ATAD2B: variants seen among roughly 807,000 people sequenced by gnomAD.
ATAD2B encodes the protein ATPase family AAA domain containing 2B, also known as ATPase family AAA domain-containing protein 2B.
A neutral mutation model predicts 167.6 loss-of-function variants in ATAD2B; 40 were observed. The observed-to-expected ratio is 0.24, with a 90% CI of 0.19 to 0.31. The LOEUF (loss-of-function observed/expected upper bound fraction) is 0.31. ATAD2B is among the 10% of genes least tolerant of loss of function. ATAD2B has a pLI of 1.00. For synonymous variants in ATAD2B, 579 were observed against 596.5 expected, an observed-to-expected ratio of 0.97 and a Z score of 0.43; for missense variants, 1,242 against 1,757.2, an observed-to-expected ratio of 0.71 and a Z score of 5.24.
chr2:23,907,581 C>T (rs1434007817), intron 1 of ATAD2B, among the ~76,000 whole-genome samples: 1 of 152,160 alleles, frequency 6.6e-6, no homozygotes, highest in Non-Finnish European at 1.5e-5. Context: ...CCCTATCAAG[C>T]TACCAATGAC....
intron 19 of ATAD2B, among the ~76,000 whole-genome samples, chr2:23,789,358 AT>A (rs1485931927): frequency 1.3e-5 from 2 of 152,106 alleles, no homozygotes; most frequent in Non-Finnish European, 2.9e-5. Flanking sequence ...ACTGTATTTA[AT>A]TTTTATGGTT....
chr2:23,793,829 A>C lies in ATAD2B; in HGVS notation c.2640+4309T>G, dbSNP rs759514445. 2.0e-5 allele frequency among the ~76,000 whole-genome samples: 3 copies of C among 152,256 alleles called. No individual in the cohort carries two copies. The South Asian group carries it at 6.2e-4, about 32-fold the overall frequency. ...GGTGCACAAACTTTTTGGTCTCAGG[A>C]CCCCAAAAAAGCTTTTATGTATGTG... On this transcript the variant is annotated intron_variant, in intron 19 of 27. Transcript: ENST00000238789.
intron 24 of ATAD2B, among the ~76,000 whole-genome samples, chr2:23,759,489 T>C (rs1020693886): frequency 2.6e-5 from 4 of 152,200 alleles, no homozygotes; most frequent in African/African-American, 9.6e-5. Context: ...CATACTTATT[T>C]AATCCTTTCA....
chr2:23,739,330 C>G, the ATAD2B span, among the ~76,000 whole-genome samples: 2 of 152,108 alleles, frequency 1.3e-5, no homozygotes. Flanking sequence ...TGTAAAAGAA[C>G]AGAAATTATA....
chr2:23,921,219 AAAAAAAAAAAAC>A (rs1703882469), intron 1 of ATAD2B, among the ~76,000 whole-genome samples: 1 of 150,658 alleles, frequency 6.6e-6, no homozygotes, highest in Non-Finnish European at 1.5e-5. Flanking sequence ...AAAAAAAAAA[AAAAAAAAAAAAC>A]AACCCAAAGA....
chr2:23,879,732 T>C (rs992561381), intron 7 of ATAD2B, among the ~76,000 whole-genome samples: 1 of 152,076 alleles, frequency 6.6e-6, no homozygotes, highest in African/African-American at 2.4e-5. Flanking sequence ...TGACCTCGGG[T>C]AAGTCACTTA....
At chr2:23,897,949 T>C (rs1700343792) in intron 1 of ATAD2B, among the ~76,000 whole-genome samples, 1 of 152,194 alleles carries the variant, frequency 6.6e-6, no homozygotes, top group Non-Finnish European at 1.5e-5. Flanking sequence ...CATATAAACA[T>C]ACACATACAT....
intron 2 of ATAD2B, among the ~76,000 whole-genome samples, 152 bp from the exon 3 acceptor site, chr2:23,888,551 T>TA (rs1190438884): frequency 6.6e-6 from 1 of 152,146 alleles, no homozygotes; most frequent in Non-Finnish European, 1.5e-5. Context: ...TGTCAATTAA[T>TA]AAAATATACT....
rs1251436408 is a variant in ATAD2B at position 23,863,504 on chromosome 2, T to C, written c.1356A>G (p.Arg452=). The C allele has an allele frequency of 8.9e-6, 14 of 1,570,526 alleles. No homozygotes were observed. Among genetic ancestry groups the C allele is most frequent in the Non-Finnish European group, 1.0e-5 (12 of 1,156,780 alleles). ...PPGTGKTLVA[R]ALANECSQGD... ...CTTGGCTGCATTCATTAGCTAATGCTCTGGCAACCAAGGTTTTACCTGTGC... is the reference window on the plus strand; with the variant it reads ...CTTGGCTGCATTCATTAGCTAATGCCCTGGCAACCAAGGTTTTACCTGTGC... Residue 452 remains arginine, a synonymous_variant, in exon 12 of 28, where the codon AGA becomes AGG. Coordinates refer to ENST00000238789, the MANE Select transcript of ATAD2B (RefSeq NM_017552.4).
intron 12 of ATAD2B, among the ~76,000 whole-genome samples, chr2:23,861,566 T>C (rs892915061): frequency 1.3e-4 from 19 of 148,888 alleles, no homozygotes; most frequent in African/African-American, 4.7e-4. Context: ...AAGAAAACTA[T>C]GAAACAGAAA....
At chr2:23,915,442 TAA>T (rs764031236) in intron 1 of ATAD2B, among the ~76,000 whole-genome samples, 5 of 136,132 alleles carry the variant, frequency 3.7e-5, no homozygotes, top group Non-Finnish European at 1.6e-5. Flanking sequence ...AAGTCTTGAT[TAA>T]AAAAAAAAAA....
At chr2:23,854,451 G>A (rs113272124) in intron 13 of ATAD2B, among the ~76,000 whole-genome samples, 11,954 of 152,012 alleles carry the variant, frequency 0.079, 593 homozygotes, top group South Asian at 0.12. Flanking sequence ...GCCGAGGTGG[G>A]TGGATCACCT....
the ATAD2B span, chr2:23,707,130 G>A: frequency 2.0e-5 from 3 of 153,020 alleles, no homozygotes; most frequent in African/African-American, 7.2e-5. Context: ...TACACTTTCA[G>A]TGGCCGACAG....
chr2:23,720,940 G>C, the ATAD2B span, among the ~76,000 whole-genome samples: 1 of 150,966 alleles, frequency 6.6e-6, no homozygotes, highest in Non-Finnish European at 1.5e-5. Flanking sequence ...TCCTCTGCAG[G>C]CCAGTAGCCA....
In ATAD2B at chr2:23,749,832, T is replaced by C. The variant is rs1675162070; in HGVS notation, c.*2214A>G. The stretch of plus-strand genomic sequence containing the variant: ...TAAAATCTTAATTAATTGTACAAAT[T>C]TAGTAACCTACTAAGAAACATGTGC... On this transcript the variant is annotated 3_prime_UTR_variant, in exon 28 of 28. Coordinates refer to ENST00000238789, the MANE Select transcript of ATAD2B (RefSeq NM_017552.4). The C allele has an allele frequency of 6.6e-6, 1 of 152,128 alleles. No individual in the cohort carries two copies. The highest frequency in any genetic ancestry group is 1.5e-5 in the Non-Finnish European group (1 of 68,002). 9.4% of individuals were successfully genotyped at this position (152,128 alleles called of 1,614,324 possible).
the ATAD2B span, among the ~76,000 whole-genome samples, chr2:23,734,180 CAG>C: frequency 2.0e-5 from 3 of 152,056 alleles, no homozygotes; most frequent in African/African-American, 7.2e-5. Context: ...ATTTTTGAGA[CAG>C]AGTCTCGCTC....
the ATAD2B span, chr2:23,703,949 T>TG: frequency 5.7e-6 from 8 of 1,399,568 alleles, no homozygotes; most frequent in Non-Finnish European, 7.6e-6. Flanking sequence ...CTGCCATCAG[T>TG]GACCATAGCA....
intron 22 of ATAD2B, among the ~76,000 whole-genome samples, chr2:23,772,879 A>T (rs1225904875): frequency 6.6e-6 from 1 of 152,068 alleles, no homozygotes; most frequent in Non-Finnish European, 1.5e-5. Context: ...ATAGGACCAC[A>T]AGCATGCGCC....
intron 25 of ATAD2B, among the ~76,000 whole-genome samples, chr2:23,756,495 A>G (rs535440299): frequency 2.0e-5 from 3 of 152,314 alleles, no homozygotes; most frequent in Admixed American, 6.5e-5. Context: ...ATAGCCTCCT[A>G]TAAGAGTACC....
Sources: allele counts gnomAD v4.1 joint callset (sites outside exome capture counted in the v4.1 genomes callset), GRCh38; gene constraint gnomAD v4.1.1; transcripts MANE v1.5; gene names NCBI Gene and HGNC (gene_info 2026-07-23, HGNC 2026-07-21).